C1orf141: variants seen among roughly 807,000 people sequenced by gnomAD.
The protein encoded by C1orf141 is chromosome 1 open reading frame 141.
Under a neutral mutation model 23.2 loss-of-function variants are expected in C1orf141, and 19 were observed. The ratio of observed to expected loss-of-function variants is 0.82; its 90% CI spans 0.57 to 1.20. The LOEUF (loss-of-function observed/expected upper bound fraction) is 1.20. Among genes scored for constraint, C1orf141 ranks in the 50% most tolerant of loss-of-function variants. The pLI, the probability that C1orf141 is intolerant of heterozygous loss-of-function variation, is 0.00. For synonymous variants in C1orf141, 153 were observed against 154.6 expected, an observed-to-expected ratio of 0.99 and a Z score of 0.08; for missense variants, 469 against 455.1, an observed-to-expected ratio of 1.03 and a Z score of -0.28.
intron 5 of C1orf141, chr1:67,103,452 A>G: frequency 1.1e-6 from 1 of 874,516 alleles, no homozygotes; most frequent in Non-Finnish European, 1.6e-6. Context: ...TAAATAATTT[A>G]TGCTTGAGTA....
At chr1:67,135,472 A>G (rs914130385), upstream of C1orf141, among the ~76,000 whole-genome samples, 1 of 152,328 alleles carries the variant, frequency 6.6e-6, no homozygotes, top group Admixed American at 6.5e-5. Flanking sequence ...TCACCACTGT[A>G]TTACGCAAGT....
In C1orf141 at chr1:67,132,274, C is replaced by T. The variant is rs1452167853; in HGVS notation, c.-103-1047G>A. Among the ~76,000 whole-genome samples the T allele has an allele frequency of 8.5e-5, 13 of 152,162 alleles. No individual in the cohort carries two copies. In the East Asian group the frequency reaches 1.2e-3, roughly 14 times the overall value. ...GTGGCTCACATCTGTAATCCCAGCA[C>T]TTCAGGAAGCTGAGGCAGGTGGATC... On this transcript the variant is annotated intron_variant, in intron 1 of 7. Transcript: ENST00000684719.
At chr1:67,121,426 T>C (rs954004858) in intron 4 of C1orf141, among the ~76,000 whole-genome samples, 5 of 152,186 alleles carry the variant, frequency 3.3e-5, no homozygotes, top group African/African-American at 9.7e-5. Context: ...TGTTTGCCAA[T>C]TGCTGTGGTG....
intron 4 of C1orf141, among the ~76,000 whole-genome samples, chr1:67,124,909 T>A (rs2102490291): frequency 6.6e-6 from 1 of 152,280 alleles, no homozygotes; most frequent in East Asian, 1.9e-4. Context: ...ATAAGGACAG[T>A]ATCCACACTA....
chr1:67,121,614 A>G (rs1378075509), intron 4 of C1orf141: 1 of 149,216 alleles, frequency 6.7e-6, no homozygotes, highest in Non-Finnish European at 1.5e-5. Context: ...ATGAGTTTTG[A>G]GTATTATCTT....
In C1orf141 at chr1:67,092,787, C is replaced by A. The variant is rs893518563; in HGVS notation, c.*218G>T. ...GATAATAGAAAGTCATGAACTAGAT[C>A]CTCTTGGTGATAATTATTTCCTAAT... On this transcript the variant is annotated 3_prime_UTR_variant, in exon 8 of 8. Transcript: ENST00000684719. 23 of 354,984 alleles carry A rather than the reference C, an allele frequency of 6.5e-5. No homozygotes were observed. The highest frequency in any genetic ancestry group is 1.1e-4 in the Non-Finnish European group (22 of 195,692). The allele number at this position is 354,984 out of a possible 1,614,324, so 22.0% of individuals were successfully genotyped here.
chr1:67,102,855 G>A (rs1570686917), intron 5 of C1orf141: 2 of 149,048 alleles, frequency 1.3e-5, no homozygotes, highest in South Asian at 4.3e-4. Flanking sequence ...TGGACTTCTT[G>A]TTTTTTTTTT....
In C1orf141 at chr1:67,092,438, A is replaced by T. The variant is rs1333971473; in HGVS notation, c.*567T>A. The stretch of plus-strand genomic sequence containing the variant: ...TTATTTAACAATTTAGAAAAAAGTT[A>T]AAGTTTGCAAAAACATTATATAATA... On this transcript the variant is annotated 3_prime_UTR_variant, in exon 8 of 8. Transcript: ENST00000684719. 4 of 152,250 alleles carry T rather than the reference A, an allele frequency of 2.6e-5. No individual in the cohort carries two copies. Among genetic ancestry groups the T allele is most frequent in the African/African-American group, 7.2e-5 (3 of 41,470 alleles). 9.4% of individuals were successfully genotyped at this position (152,250 alleles called of 1,614,324 possible).
At chr1:67,104,089 C>A (rs1298662793) in intron 5 of C1orf141, among the ~76,000 whole-genome samples, 1 of 152,020 alleles carries the variant, frequency 6.6e-6, no homozygotes, top group East Asian at 1.9e-4. Flanking sequence ...AAAGACCTCA[C>A]ATTTTTATGG....
intron 3 of C1orf141, 68 bp from the exon 4 acceptor site, chr1:67,125,977 G>C (rs4655520): frequency 7.2e-7 from 1 of 1,388,606 alleles, no homozygotes; most frequent in Non-Finnish European, 9.5e-7. Flanking sequence ...AAAATCTTAG[G>C]TGGAAAGAAA....
intron 5 of C1orf141, among the ~76,000 whole-genome samples, chr1:67,112,218 C>T (rs1488311585): frequency 6.6e-6 from 1 of 152,092 alleles, no homozygotes; most frequent in Non-Finnish European, 1.5e-5. Context: ...AACAATAGCA[C>T]TTATAGAAAT....
chr1:67,120,778 T>A (rs1025092181), intron 4 of C1orf141, among the ~76,000 whole-genome samples: 10 of 148,052 alleles, frequency 6.8e-5, no homozygotes, highest in African/African-American at 2.5e-4. Context: ...CAGGGTATGG[T>A]ATTCTTTATA....
intron 4 of C1orf141, among the ~76,000 whole-genome samples, 195 bp from the exon 5 acceptor site, chr1:67,115,659 T>A (rs975412410): frequency 6.6e-6 from 1 of 152,078 alleles, no homozygotes; most frequent in East Asian, 1.9e-4. Context: ...TCGTTTAAAG[T>A]GGAGGGGGAC....
chr1:67,135,974 A>C (rs1358275389), upstream of C1orf141, among the ~76,000 whole-genome samples: 2 of 151,004 alleles, frequency 1.3e-5, no homozygotes, highest in African/African-American at 4.9e-5. Flanking sequence ...TGATATTAAT[A>C]GTCAATGCAT....
intron 1 of C1orf141, among the ~76,000 whole-genome samples, chr1:67,133,842 T>G (rs1263094913): frequency 2.0e-5 from 3 of 152,202 alleles, no homozygotes; most frequent in Non-Finnish European, 4.4e-5. Context: ...TTTTAGTGTC[T>G]AGAACTGTAA....
At chr1:67,103,433 G>A in intron 5 of C1orf141, 1 of 1,091,172 alleles carries the variant, frequency 9.2e-7, no homozygotes. Context: ...TTCTTTCCGT[G>A]TATATTAATA....
At chr1:67,106,240 C>T (rs980856950) in intron 5 of C1orf141, among the ~76,000 whole-genome samples, 28 of 152,214 alleles carry the variant, frequency 1.8e-4, no homozygotes, top group Non-Finnish European at 3.7e-4. Flanking sequence ...CCAACTTGAC[C>T]TAAAAGAACC....
At chr1:67,097,374 A>T (rs757273043) in intron 5 of C1orf141, among the ~76,000 whole-genome samples, 1 of 152,206 alleles carries the variant, frequency 6.6e-6, no homozygotes, top group Non-Finnish European at 1.5e-5. Context: ...GCCTCTTTTA[A>T]GAGGGGATAT....
chr1:67,121,641 T>C (rs1646301439), intron 4 of C1orf141: 1 of 152,260 alleles, frequency 6.6e-6, no homozygotes, highest in Non-Finnish European at 1.5e-5. Context: ...TGGTATGCCA[T>C]TGAATTTTAA....
Sources: allele counts gnomAD v4.1 joint callset (sites outside exome capture counted in the v4.1 genomes callset), GRCh38; gene constraint gnomAD v4.1.1; transcripts MANE v1.5; gene names NCBI Gene and HGNC (gene_info 2026-07-23, HGNC 2026-07-21).